PLEKHA7: variants seen among roughly 807,000 people sequenced by gnomAD.
The protein encoded by PLEKHA7 is pleckstrin homology domain-containing family A member 7.
PLEKHA7 carries 104 observed loss-of-function variants against 170.0 expected under a neutral mutation model. The observed-to-expected ratio is 0.61, with a 90% CI of 0.52 to 0.72. PLEKHA7 has a LOEUF of 0.72. PLEKHA7 is among the 30% of genes least tolerant of loss of function. The pLI is 0.00. For missense variants in PLEKHA7, 1,615 were observed against 1,671.7 expected, an observed-to-expected ratio of 0.97 and a Z score of 0.59; for synonymous variants, 648 against 660.8, an observed-to-expected ratio of 0.98 and a Z score of 0.30.
chr11:16,901,279 G>A (rs577865615), intron 3 of PLEKHA7, among the ~76,000 whole-genome samples: 1 of 152,136 alleles, frequency 6.6e-6, no homozygotes, highest in Non-Finnish European at 1.5e-5. Flanking sequence ...GAGAGCTGAA[G>A]AAAAAATAAA....
intron 4 of PLEKHA7, among the ~76,000 whole-genome samples, chr11:16,867,225 AAC>A (rs1212328106): frequency 6.6e-6 from 1 of 152,204 alleles, no homozygotes; most frequent in Non-Finnish European, 1.5e-5. Flanking sequence ...GGCTTGTGAA[AAC>A]ACAGATTGCT....
At chr11:16,964,996 A>G (rs572546363) in intron 3 of PLEKHA7, among the ~76,000 whole-genome samples, 8 of 94,344 alleles carry the variant, frequency 8.5e-5, no homozygotes, top group Non-Finnish European at 1.7e-4. Flanking sequence ...AATGGGATAT[A>G]CATGATTTAA....
At chr11:16,855,594 C>T (rs1853370677) in intron 5 of PLEKHA7, 1 of 570,692 alleles carries the variant, frequency 1.8e-6, no homozygotes, top group Non-Finnish European at 3.1e-6. Flanking sequence ...CTATAGACAC[C>T]AGTGCTGGGT....
intron 25 of PLEKHA7, 150 bp downstream of exon 25, chr11:16,783,550 A>G: frequency 1.2e-6 from 1 of 827,924 alleles, no homozygotes; most frequent in Non-Finnish European, 1.7e-6. Context: ...CTGGCGATGT[A>G]CCAGCCTGCC....
chr11:16,904,420 T>C (rs1459244258), intron 3 of PLEKHA7, among the ~76,000 whole-genome samples: 1 of 152,218 alleles, frequency 6.6e-6, no homozygotes, highest in Admixed American at 6.5e-5. Context: ...TTATACTTGA[T>C]GAAACATTGT....
At chr11:16,978,772 G>A (rs2136814296) in intron 3 of PLEKHA7, among the ~76,000 whole-genome samples, 1 of 152,304 alleles carries the variant, frequency 6.6e-6, no homozygotes, top group Non-Finnish European at 1.5e-5. Context: ...ACTGCTGGGT[G>A]TCTGTACTTT....
At chr11:16,851,574 G>C (rs936758725) in intron 7 of PLEKHA7, among the ~76,000 whole-genome samples, 2 of 152,106 alleles carry the variant, frequency 1.3e-5, no homozygotes, top group African/African-American at 2.4e-5. Context: ...TTAGCCTCCT[G>C]AGTAGCTGGG....
At chr11:16,977,084 G>T (rs1863116177) in intron 3 of PLEKHA7, among the ~76,000 whole-genome samples, 1 of 152,146 alleles carries the variant, frequency 6.6e-6, no homozygotes, top group African/African-American at 2.4e-5. Context: ...TCTTGCAGAT[G>T]GGTAAACTTT....
intron 3 of PLEKHA7, among the ~76,000 whole-genome samples, chr11:16,994,312 G>A (rs571116679): frequency 6.6e-6 from 1 of 151,684 alleles, no homozygotes; most frequent in East Asian, 1.9e-4. Flanking sequence ...TGGAGTTGCA[G>A]TTCCAGGGGT....
At chr11:16,924,469 G>A (rs1859340714) in intron 3 of PLEKHA7, among the ~76,000 whole-genome samples, 1 of 152,204 alleles carries the variant, frequency 6.6e-6, no homozygotes, top group Non-Finnish European at 1.5e-5. Flanking sequence ...AGAGGACTCA[G>A]GTCTCCTACA....
intron 13 of PLEKHA7, chr11:16,807,046 C>T (rs192612475): frequency 2.4e-5 from 10 of 411,904 alleles, no homozygotes; most frequent in East Asian, 1.6e-4. Flanking sequence ...AAGCCTGGGG[C>T]GGTCAGGAGA....
rs906861892 is a variant in PLEKHA7, at chr11:16,945,744, G to C, written c.221+68245C>G. Reference sequence around the variant, plus strand: ...GGGAGTAGTTAGGAGGTCCTTAGCAGATCTGAAGGGAAGGAGTCCCAATGC... The same window carrying C: ...GGGAGTAGTTAGGAGGTCCTTAGCACATCTGAAGGGAAGGAGTCCCAATGC... On this transcript the variant is annotated intron_variant, in intron 3 of 26. Coordinates refer to ENST00000531066, the MANE Select transcript of PLEKHA7 (RefSeq NM_001329630.2). Among the ~76,000 whole-genome samples the C allele has an allele frequency of 2.0e-5, 3 of 152,346 alleles. No homozygotes were observed. In the South Asian group the frequency reaches 6.2e-4, roughly 32 times the overall value.
chr11:16,786,694 AAAC>A, intron 23 of PLEKHA7: 1 of 985,412 alleles, frequency 1.0e-6, no homozygotes, highest in Non-Finnish European at 1.2e-6. Flanking sequence ...GGTGACCTCC[AAAC>A]AACTTGGGAC....
chr11:16,835,253 AGAGC>A lies in PLEKHA7; in HGVS notation c.872+6290_872+6293del, dbSNP rs778314766. On this transcript the variant is annotated intron_variant, in intron 9 of 26. Coordinates refer to ENST00000531066, the MANE Select transcript of PLEKHA7 (RefSeq NM_001329630.2). ...GCCACCGCACTCCAGCCTGGGTGAC[AGAGC>A]GAGATTTTGTCTCAAATAAAAAAGT... is the stretch of plus-strand genomic sequence containing the variant. Among the ~76,000 whole-genome samples the A allele has an allele frequency of 7.5e-4, 115 of 152,362 alleles. 1 individual carries two copies. Among genetic ancestry groups the A allele is most frequent in the Admixed American group, 1.1e-3 (17 of 15,304 alleles).
In PLEKHA7 at chr11:16,812,854, G is replaced by C. The variant is rs564179600; in HGVS notation, c.2007+259C>G. Among the ~76,000 whole-genome samples the C allele has an allele frequency of 3.3e-5, 5 of 152,314 alleles. No homozygotes were observed. In the South Asian group the frequency reaches 1.0e-3, roughly 32 times the overall value. ...GGAGGGACCTTTTTGTTCTGACCAA[G>C]AGAAGGAAGAGATCAAGGTCTCAAG... On this transcript the variant is annotated intron_variant, in intron 13 of 26. Coordinates refer to ENST00000531066, the MANE Select transcript of PLEKHA7 (RefSeq NM_001329630.2).
chr11:16,871,011 G>A, intron 4 of PLEKHA7, 88 bp downstream of exon 4: 2 of 1,024,412 alleles, frequency 2.0e-6, no homozygotes, highest in African/African-American at 3.2e-5. Flanking sequence ...CTGTCTCAGA[G>A]AAAACAGTCC....
rs1253706957 is a variant in PLEKHA7, at chr11:16,789,853, G to C, written c.3078C>G (p.Leu1026=). The change falls in exon 22 of 27, where the codon CTC becomes CTG. Residue 1026 remains leucine (L), a synonymous_variant. Coordinates refer to ENST00000531066, the MANE Select transcript of PLEKHA7 (RefSeq NM_001329630.2). The surrounding 1 kb of genome is among the most constrained non-coding windows in gnomAD (Gnocchi z 4.6). ...GRGLSGSTSR[L]QQSSTIAPYV... is the part of the protein sequence containing the mutation. ...AGGGAGCAATGGTGGACGACTGCTG[G>C]AGCCTTGACGTGGACCCTGAGAGCC... The C allele has an allele frequency of 6.2e-7, 1 of 1,614,132 alleles. No homozygotes were observed. Among genetic ancestry groups the C allele is most frequent in the Non-Finnish European group, 8.5e-7 (1 of 1,179,978 alleles).
chr11:16,826,938 A>C (rs1056731574), intron 9 of PLEKHA7, among the ~76,000 whole-genome samples: 6 of 152,212 alleles, frequency 3.9e-5, no homozygotes, highest in African/African-American at 1.4e-4. Context: ...GCTGATCATC[A>C]TAAGCCCAGA....
intron 3 of PLEKHA7, among the ~76,000 whole-genome samples, chr11:16,934,202 A>G (rs1195369572): frequency 2.0e-5 from 3 of 152,184 alleles, no homozygotes; most frequent in African/African-American, 7.2e-5. Flanking sequence ...CCATCAGGGT[A>G]TGAGGTCCTG....
Sources: allele counts gnomAD v4.1 joint callset (sites outside exome capture counted in the v4.1 genomes callset), GRCh38; gene constraint gnomAD v4.1.1; non-coding constraint Gnocchi (gnomAD v3.1); transcripts MANE v1.5; gene names NCBI Gene and HGNC (gene_info 2026-07-23, HGNC 2026-07-21).